Variants in FLYWCH2 observed in about 807,000 individuals in gnomAD.
The protein encoded by FLYWCH2 is FLYWCH family member 2.
A neutral mutation model predicts 6.0 loss-of-function variants in FLYWCH2; 2 were observed. The ratio of observed to expected loss-of-function variants is 0.33; its 90% CI spans 0.14 to 1.04. The LOEUF is 1.04. FLYWCH2 is among the 50% of genes least tolerant of loss of function. FLYWCH2 has a pLI of 0.45. For synonymous variants in FLYWCH2, 87 were observed against 79.3 expected, an observed-to-expected ratio of 1.10 and a Z score of -0.52; for missense variants, 192 against 183.4, an observed-to-expected ratio of 1.05 and a Z score of -0.27.
At chr16:2,884,576 A>AAAAAAAAAAAAAC (rs1567301749) in intron 1 of FLYWCH2, among the ~76,000 whole-genome samples, 1 of 143,052 alleles carries the variant, frequency 7.0e-6, no homozygotes, top group Non-Finnish European at 1.5e-5. Context: ...AAAAAAAAAA[A>AAAAAAAAAAAAAC]ATACAAAAAT....
chr16:2,896,665 C>T lies in FLYWCH2; in HGVS notation c.216C>T (p.Gly72=), dbSNP rs751914520. 130 of 1,613,218 alleles carry T rather than the reference C, an allele frequency of 8.1e-5. No homozygotes were observed. The East Asian group carries it at 2.8e-3, about 34-fold the overall frequency. The change falls in exon 3 of 4, where the codon GGC becomes GGT. Residue 72 remains glycine, a synonymous_variant. Transcript: ENST00000396958. ...GTGTCATGTCCCTGGGGGTGCCCGG[C>T]CCCGCCACCCTTGCCAAGGCCCTCC... ...VHCVMSLGVP[G]PATLAKALLQ...
intron 1 of FLYWCH2, among the ~76,000 whole-genome samples, chr16:2,891,279 C>CT (rs918222015): frequency 1.3e-5 from 2 of 152,210 alleles, no homozygotes; most frequent in Non-Finnish European, 2.9e-5. Flanking sequence ...CATAATAGGA[C>CT]TTTTTTTCCT....
chr16:2,896,048 C>T (rs944851093), intron 2 of FLYWCH2, among the ~76,000 whole-genome samples: 1 of 152,220 alleles, frequency 6.6e-6, no homozygotes, highest in Admixed American at 6.5e-5. Context: ...CCGTGCTCAG[C>T]ATGTGGGAGG....
intron 1 of FLYWCH2, among the ~76,000 whole-genome samples, chr16:2,888,194 G>C (rs1390389329): frequency 6.6e-6 from 1 of 151,850 alleles, no homozygotes; most frequent in Non-Finnish European, 1.5e-5. Flanking sequence ...ATTTTTAGTA[G>C]AGACGGGGTT....
intron 1 of FLYWCH2, among the ~76,000 whole-genome samples, chr16:2,890,228 GTTT>G (rs200322274): frequency 0.14 from 19,885 of 139,928 alleles, 1,529 homozygotes; most frequent in Middle Eastern, 0.19. Flanking sequence ...TTTTGTTTTT[GTTT>G]TTTTTTTTTT....
intron 1 of FLYWCH2, among the ~76,000 whole-genome samples, chr16:2,884,568 A>C (rs1233633169): frequency 6.9e-6 from 1 of 145,290 alleles, no homozygotes; most frequent in Non-Finnish European, 1.5e-5. Flanking sequence ...TAAAAAAAAA[A>C]AAAAAAAAAT....
intron 3 of FLYWCH2, 191 bp downstream of exon 3, chr16:2,896,962 C>G (rs2285825): frequency 4.8e-6 from 3 of 622,110 alleles, no homozygotes; most frequent in Non-Finnish European, 8.4e-6. Context: ...AACCCTGCCT[C>G]TGAGCGGCCT....
chr16:2,896,835 G>C (rs548299957), intron 3 of FLYWCH2, 64 bp downstream of exon 3: 11 of 1,451,858 alleles, frequency 7.6e-6, no homozygotes, highest in Non-Finnish European at 1.0e-5. Context: ...CCACAGCCGC[G>C]CTGGCTCCAT....
At chr16:2,897,446 G>C (rs2150851754) in intron 3 of FLYWCH2, among the ~76,000 whole-genome samples, 1 of 152,314 alleles carries the variant, frequency 6.6e-6, no homozygotes, top group East Asian at 1.9e-4. Flanking sequence ...GGAGGTGATG[G>C]GGCAGGTTCA....
At chr16:2,894,619 C>G (rs967744448) in intron 1 of FLYWCH2, among the ~76,000 whole-genome samples, 1 of 152,208 alleles carries the variant, frequency 6.6e-6, no homozygotes, top group Non-Finnish European at 1.5e-5. Flanking sequence ...CGGAGGCGGA[C>G]GGATAACGCG....
At chr16:2,893,899 A>C (rs899912586) in intron 1 of FLYWCH2, among the ~76,000 whole-genome samples, 5 of 151,780 alleles carry the variant, frequency 3.3e-5, no homozygotes, top group Non-Finnish European at 7.4e-5. Flanking sequence ...CGGCCTCCCA[A>C]AGTGCTGGGA....
chr16:2,898,230 G>A (rs988191969), intron 3 of FLYWCH2, among the ~76,000 whole-genome samples: 3 of 152,074 alleles, frequency 2.0e-5, no homozygotes, highest in Non-Finnish European at 2.9e-5. Flanking sequence ...TGGACCCCTC[G>A]GCCTCCATCC....
chr16:2,887,313 CTT>C (rs71158114), intron 1 of FLYWCH2, among the ~76,000 whole-genome samples: 4 of 72,538 alleles, frequency 5.5e-5, no homozygotes, highest in Non-Finnish European at 9.0e-5. Context: ...GCCCGGCTTT[CTT>C]TTTTTTTTTT....
intron 1 of FLYWCH2, among the ~76,000 whole-genome samples, chr16:2,888,598 C>T (rs2069724236): frequency 6.6e-6 from 1 of 151,616 alleles, no homozygotes; most frequent in Non-Finnish European, 1.5e-5. Flanking sequence ...GATGTCTTTC[C>T]ATTTGTTTAG....
chr16:2,883,684 C>T (rs933210126), intron 1 of FLYWCH2, among the ~76,000 whole-genome samples: 2 of 152,380 alleles, frequency 1.3e-5, no homozygotes, highest in African/African-American at 2.4e-5. Context: ...CCGGCCTCGT[C>T]CCACGGTTGC....
Position 2,896,544 on chromosome 16 carries a change from C to G in FLYWCH2, c.95C>G (p.Ala32Gly), listed in dbSNP as rs1443827910. 1 of 1,614,064 alleles carries G rather than the reference C, an allele frequency of 6.2e-7. No homozygotes were observed. The highest frequency in any genetic ancestry group is 1.3e-5 in the African/African-American group (1 of 74,936). ...PKPGTEVIPA[A>G]PRKPRKFSKL... ...CCAGGCACAGAAGTCATCCCGGCAG[C>G]CCCCAGGAAGCCCAGAAAGTTCTCC... The change falls in exon 3 of 4, where the codon GCC becomes GGC. Residue 32 changes from alanine (A) to glycine (G), a missense_variant. Coordinates refer to ENST00000396958, the MANE Select transcript of FLYWCH2 (RefSeq NM_138439.3).
At chr16:2,890,464 G>T (rs1232563890) in intron 1 of FLYWCH2, among the ~76,000 whole-genome samples, 1 of 151,800 alleles carries the variant, frequency 6.6e-6, no homozygotes, top group Non-Finnish European at 1.5e-5. Context: ...GCCCAGGCTG[G>T]AGTGCAGTGG....
At position 2,896,761 on chromosome 16, in the gene FLYWCH2, G is replaced by T; in HGVS notation, c.312G>T (p.Arg104Ser). ...AGGAGCCTGAGCAGAAACGGAGCAG[G>T]CAGGACCCAGGTGAGGCTCCACAGC... ...APQEPEQKRSRQDPGTDRTED... is the reference protein window; with the variant it reads ...APQEPEQKRSSQDPGTDRTED... Residue 104 changes from arginine (R) to serine (S), a missense_variant, in exon 3 of 4, where the codon AGG becomes AGT. By Grantham distance (110) the Arg-to-Ser change is moderately radical. Transcript: ENST00000396958. The T allele has an allele frequency of 6.2e-7, 1 of 1,609,830 alleles. No individual in the cohort carries two copies.
intron 1 of FLYWCH2, among the ~76,000 whole-genome samples, chr16:2,883,591 C>G (rs2069664915): frequency 6.6e-6 from 1 of 152,166 alleles, no homozygotes; most frequent in South Asian, 2.1e-4. Context: ...CACCCCCACA[C>G]GAAGGAGGTC....
Sources: gnomAD v4.1 joint callset for allele counts (sites outside exome capture counted in the v4.1 genomes callset) on GRCh38, gnomAD v4.1.1 for gene constraint, MANE v1.5 for transcripts, NCBI Gene and HGNC (gene_info 2026-07-23, HGNC 2026-07-21) for gene names.